The following LARGE1 variants were observed in gnomAD, a reference collection of about 807,000 sequenced individuals.
The protein encoded by LARGE1 is xylosyl- and glucuronyltransferase LARGE1.
LARGE1 carries 43 observed loss-of-function variants against 87.6 expected under a neutral mutation model. The observed-to-expected ratio is 0.49, with a 90% confidence interval of 0.38 to 0.63. The LOEUF is 0.63. Ranked by LOEUF, LARGE1 falls within the 30% of genes least tolerant of loss-of-function variation. The pLI, the probability that LARGE1 is intolerant of heterozygous loss-of-function variation, is 0.00. For synonymous variants in LARGE1, 434 were observed against 394.6 expected (o/e 1.10, Z -1.18); for missense variants, 802 against 1,000.2 (o/e 0.80, Z 2.67).
chr22:33,389,973 G>C (rs2065459207), intron 7 of LARGE1, among the ~76,000 whole-genome samples: 1 of 152,114 alleles, frequency 6.6e-6, no homozygotes, highest in Non-Finnish European at 1.5e-5. Flanking sequence ...ATTTCAGGGT[G>C]GTCTTCAGAA....
At chr22:33,315,938 T>C in intron 11 of LARGE1, 147 bp downstream of exon 11, 1 of 944,016 alleles carries the variant, frequency 1.1e-6, no homozygotes, top group Non-Finnish European at 1.6e-6. Flanking sequence ...CAGGCTTCAA[T>C]ATTCTAAGCC....
At chr22:33,311,532 T>C (rs1935589084) in intron 11 of LARGE1, among the ~76,000 whole-genome samples, 2 of 152,220 alleles carry the variant, frequency 1.3e-5, no homozygotes, top group Admixed American at 6.5e-5. Flanking sequence ...CTAGGCACTT[T>C]ACACCTTATT....
chr22:33,840,659 G>A (rs1287231178), intron 1 of LARGE1, among the ~76,000 whole-genome samples: 3 of 150,180 alleles, frequency 2.0e-5, no homozygotes, highest in African/African-American at 4.9e-5. Flanking sequence ...AGGATAATTC[G>A]ACTTAGATTT....
intron 1 of LARGE1, among the ~76,000 whole-genome samples, chr22:33,817,973 C>G (rs575858565): frequency 6.6e-6 from 1 of 152,130 alleles, no homozygotes; most frequent in Admixed American, 6.5e-5. Flanking sequence ...CATGGTGGTG[C>G]AGGCAGCTTC....
At chr22:33,715,991 C>T (rs959025621) in intron 2 of LARGE1, among the ~76,000 whole-genome samples, 10 of 152,114 alleles carry the variant, frequency 6.6e-5, no homozygotes, top group Non-Finnish European at 1.0e-4. Context: ...CTACTAATTC[C>T]GAATTCATGT....
chr22:33,178,948 C>T (rs983864063), intron 11 of LARGE1, among the ~76,000 whole-genome samples: 2 of 151,924 alleles, frequency 1.3e-5, no homozygotes, highest in African/African-American at 4.8e-5. Context: ...CTGAGAATTC[C>T]AAGAGCATGA....
intron 5 of LARGE1, among the ~76,000 whole-genome samples, chr22:33,567,217 GTTAC>G (rs745534665): frequency 3.3e-5 from 5 of 151,984 alleles, no homozygotes; most frequent in African/African-American, 4.8e-5. Context: ...AAAAAATGTG[GTTAC>G]TTAGTTTTTT....
At position 33,258,351 on chromosome 22, in the gene LARGE1, GA is replaced by G. The variant is rs1927430757; in HGVS notation, c.1730+45877del. Among the ~76,000 whole-genome samples, 4 of 152,186 alleles carry G rather than the reference GA, an allele frequency of 2.6e-5. No homozygotes were observed. The South Asian group carries it at 8.3e-4, about 31-fold the overall frequency. ...TCAGCCAAGCAATGCATTCTTGAGG[GA>G]AAGATGCTAGAACTGAGTGCTGAAG... On this transcript the variant is annotated intron_variant, in intron 11 of 11. Coordinates refer to the LARGE1 transcript ENST00000608642.
the LARGE1 span, among the ~76,000 whole-genome samples, chr22:33,136,057 C>T: frequency 1.3e-5 from 2 of 152,036 alleles, no homozygotes; most frequent in Non-Finnish European, 2.9e-5. Context: ...GTCAAAGAAA[C>T]AGAGACTCAG....
At chr22:33,067,134 G>A in the LARGE1 span, among the ~76,000 whole-genome samples, 3 of 151,940 alleles carry the variant, frequency 2.0e-5, no homozygotes, top group Non-Finnish European at 4.4e-5. Context: ...GGAGAGCAGA[G>A]CTTAACTTCC....
intron 9 of LARGE1, among the ~76,000 whole-genome samples, chr22:33,343,457 A>C (rs1273407306): frequency 6.6e-6 from 1 of 152,142 alleles, no homozygotes; most frequent in African/African-American, 2.4e-5. Flanking sequence ...GTATCCATAT[A>C]TATATATGAT....
intron 2 of LARGE1, among the ~76,000 whole-genome samples, chr22:33,685,273 G>A (rs2081911157): frequency 6.6e-6 from 1 of 152,182 alleles, no homozygotes. Flanking sequence ...CAGCCATCCT[G>A]CCTGAAATGC....
chr22:33,171,568 T>G (rs1353294468), intron 11 of LARGE1, among the ~76,000 whole-genome samples: 1 of 152,288 alleles, frequency 6.6e-6, no homozygotes, highest in African/African-American at 2.4e-5. Context: ...TCCCAGCCAC[T>G]CCAGCTCCAG....
the LARGE1 span, among the ~76,000 whole-genome samples, chr22:33,098,842 A>G: frequency 1.7e-4 from 26 of 152,296 alleles, no homozygotes; most frequent in Non-Finnish European, 8.8e-5. Context: ...GAGGACAGAA[A>G]GTGAGAACCA....
At chr22:33,630,910 T>C (rs1221854828) in intron 3 of LARGE1, among the ~76,000 whole-genome samples, 1 of 151,996 alleles carries the variant, frequency 6.6e-6, no homozygotes, top group East Asian at 1.9e-4. Flanking sequence ...TGGAGTGCAG[T>C]GATGTGATCT....
At chr22:33,200,462 C>G (rs1319649195) in intron 11 of LARGE1, among the ~76,000 whole-genome samples, 1 of 152,102 alleles carries the variant, frequency 6.6e-6, no homozygotes, top group Non-Finnish European at 1.5e-5. Flanking sequence ...CAGGGAGTTA[C>G]TATGTGATCC....
At chr22:33,102,477 T>C in the LARGE1 span, among the ~76,000 whole-genome samples, 1 of 151,434 alleles carries the variant, frequency 6.6e-6, no homozygotes, top group Non-Finnish European at 1.5e-5. Context: ...GGGCCCCCCT[T>C]CCTTCCTTCC....
At chr22:33,350,347 C>T (rs1351505271) in intron 9 of LARGE1, among the ~76,000 whole-genome samples, 1 of 152,194 alleles carries the variant, frequency 6.6e-6, no homozygotes, top group Non-Finnish European at 1.5e-5. Flanking sequence ...TGCGACTTCC[C>T]TGCAGACAAC....
At chr22:33,541,934 G>A (rs1299935906) in intron 6 of LARGE1, among the ~76,000 whole-genome samples, 1 of 151,882 alleles carries the variant, frequency 6.6e-6, no homozygotes, top group Non-Finnish European at 1.5e-5. Context: ...AGGCTGAGGC[G>A]GGTGGATCAC....
Sources: allele counts gnomAD v4.1 joint callset (sites outside exome capture counted in the v4.1 genomes callset), GRCh38; gene constraint gnomAD v4.1.1; transcripts MANE v1.5; gene names NCBI Gene and HGNC (gene_info 2026-07-23, HGNC 2026-07-21).